Variants in SERPINB8 observed in about 807,000 individuals in gnomAD.
SERPINB8 encodes the protein serpin B8.
In SERPINB8, 25 loss-of-function variants were observed where a neutral mutation model predicts 35.3. The observed-to-expected ratio is 0.71, with a 90% CI of 0.52 to 0.99. SERPINB8 has a LOEUF of 0.99. Ranked by LOEUF, SERPINB8 falls within the 50% of genes least tolerant of loss-of-function variation. The pLI is 0.00. For missense variants in SERPINB8, 484 were observed against 446.5 expected (o/e 1.08, Z -0.76); for synonymous variants, 186 against 160.8 (o/e 1.16, Z -1.19).
At chr18:64,016,920 G>A (rs771633440) in intron 7 of SERPINB8, among the ~76,000 whole-genome samples, 1 of 152,118 alleles carries the variant, frequency 6.6e-6, no homozygotes, top group African/African-American at 2.4e-5. Context: ...TTCTAGATTT[G>A]TAGATCTTCT....
intron 7 of SERPINB8, among the ~76,000 whole-genome samples, chr18:64,016,038 G>T (rs2050948340): frequency 6.6e-6 from 1 of 152,186 alleles, no homozygotes; most frequent in Admixed American, 6.5e-5. Flanking sequence ...ATACTAGACA[G>T]ACCCTAGACA....
chr18:64,003,545 G>C (rs1461067794), intron 1 of SERPINB8, among the ~76,000 whole-genome samples: 1 of 151,742 alleles, frequency 6.6e-6, no homozygotes, highest in Non-Finnish European at 1.5e-5. Flanking sequence ...GTGTGTGTGT[G>C]TGTGTGTGTG....
intron 1 of SERPINB8, among the ~76,000 whole-genome samples, chr18:63,971,177 C>T (rs2050473313): frequency 6.6e-6 from 1 of 152,164 alleles, no homozygotes; most frequent in Admixed American, 6.5e-5. Context: ...CGCGCTCTCC[C>T]CTCGCCCTCC....
chr18:64,018,182 CA>C (rs1263835092), intron 7 of SERPINB8, among the ~76,000 whole-genome samples: 4 of 152,140 alleles, frequency 2.6e-5, no homozygotes, highest in African/African-American at 7.2e-5. Context: ...TATCAGAATT[CA>C]GCTAACATTC....
chr18:63,986,216 A>C, intron 6 of SERPINB8: 1 of 1,595,070 alleles, frequency 6.3e-7, no homozygotes, highest in South Asian at 1.1e-5. Flanking sequence ...TGCTAGTGGA[A>C]GGCCTTTCTC....
At chr18:63,998,544 G>A (rs1209386112) in intron 1 of SERPINB8, among the ~76,000 whole-genome samples, 1 of 152,146 alleles carries the variant, frequency 6.6e-6, no homozygotes, top group Non-Finnish European at 1.5e-5. Context: ...GTGCAATTTG[G>A]GGTCTCACTG....
At chr18:63,993,137 T>C (rs1469643930), downstream of SERPINB8, among the ~76,000 whole-genome samples, 3 of 151,898 alleles carry the variant, frequency 2.0e-5, no homozygotes, top group East Asian at 5.8e-4. Flanking sequence ...TTTTAGTTTT[T>C]TTAAGGTGAA....
intron 6 of SERPINB8, chr18:63,986,417 A>G: frequency 6.7e-7 from 1 of 1,485,732 alleles, no homozygotes; most frequent in Non-Finnish European, 8.9e-7. Flanking sequence ...CCTCTCTTTT[A>G]CTCTGAGTTG....
Position 63,978,486 on chromosome 18 carries a change from C to T in SERPINB8, c.168+10C>T, listed in dbSNP as rs770443542. ...AGCCCAGATGTCCCAGGTATGTGTG[C>T]TTGTCACAAAGGAAGGAGAACAGTG... On this transcript the variant is annotated intron_variant, in intron 2 of 6. Coordinates refer to ENST00000397985, the MANE Select transcript of SERPINB8 (RefSeq NM_002640.4). 8.7e-6 allele frequency: 14 copies of T among 1,613,424 alleles called. No individual in the cohort carries two copies. Among genetic ancestry groups the T allele is most frequent in the Admixed American group, 1.7e-5 (1 of 59,942 alleles).
Position 63,999,431 on chromosome 18 carries a change from A to G in SERPINB8, c.71-5388A>G, listed in dbSNP as rs1489230917. Among the ~76,000 whole-genome samples, 3 of 152,116 alleles carry G rather than the reference A, an allele frequency of 2.0e-5. No individual in the cohort carries two copies. In the East Asian group the frequency reaches 5.8e-4, roughly 29 times the overall value. On this transcript the variant is annotated intron_variant, in intron 1 of 1. Transcript: ENST00000493661. ...AAATGACTTCCTAGTTGTCAACTCA[A>G]TGCTGTTCCACATGGGAGCAACTGG...
At chr18:64,009,622 A>G (rs191246832), downstream of SERPINB8, among the ~76,000 whole-genome samples, 41 of 152,348 alleles carry the variant, frequency 2.7e-4, no homozygotes, top group Admixed American at 1.8e-3. Context: ...GTGTGCTGGG[A>G]AAACTGATTT....
intron 1 of SERPINB8, among the ~76,000 whole-genome samples, chr18:64,002,163 G>C (rs1032600387): frequency 2.6e-5 from 4 of 152,160 alleles, no homozygotes; most frequent in Non-Finnish European, 5.9e-5. Flanking sequence ...CACGCAGTCT[G>C]CACGTGTTTC....
At chr18:64,012,253 G>A (rs1304643217) in intron 7 of SERPINB8, among the ~76,000 whole-genome samples, 2 of 152,058 alleles carry the variant, frequency 1.3e-5, no homozygotes, top group Non-Finnish European at 2.9e-5. Context: ...AATTGCCAGA[G>A]CTTTTATTTC....
At chr18:64,002,335 G>GCACATATCAT in intron 1 of SERPINB8, among the ~76,000 whole-genome samples, 1 of 152,176 alleles carries the variant, frequency 6.6e-6, no homozygotes, top group South Asian at 2.1e-4. Context: ...TTCTTTTCAG[G>GCACATATCAT]TGAGTCCCTG....
At chr18:63,992,713 C>T (rs72945636), downstream of SERPINB8, among the ~76,000 whole-genome samples, 51 of 152,168 alleles carry the variant, frequency 3.4e-4, no homozygotes, top group Admixed American at 1.2e-3. Context: ...AGGATGAACG[C>T]GGGAATAAAA....
At chr18:63,970,252 C>G (rs2050443829) in intron 1 of SERPINB8, 82 bp downstream of exon 1, 2 of 200,282 alleles carry the variant, frequency 1.0e-5, no homozygotes, top group African/African-American at 4.8e-5. Flanking sequence ...CCCTGGAGTG[C>G]GTGAGAGAGG....
intron 2 of SERPINB8, 85 bp downstream of exon 2, chr18:63,978,561 C>G: frequency 6.6e-7 from 1 of 1,507,238 alleles, no homozygotes; most frequent in Non-Finnish European, 9.1e-7. Context: ...TTTGCTCTAG[C>G]TGAGGCCTGT....
chr18:63,971,709 G>A (rs1422368071), intron 1 of SERPINB8, among the ~76,000 whole-genome samples: 1 of 152,168 alleles, frequency 6.6e-6, no homozygotes, highest in African/African-American at 2.4e-5. Flanking sequence ...TACTGAGCCG[G>A]GTTATCTTTC....
chr18:63,981,759 G>C lies in SERPINB8; in HGVS notation c.345G>C (p.Glu115Asp). The change falls in exon 4 of 7, where the codon GAG becomes GAC. Residue 115 changes from glutamate (E) to aspartate (D), a missense_variant. By Grantham distance (45) the Glu-to-Asp change is conservative. Transcript: ENST00000397985. ...KEYCQKFYQAELEELSFAEDT... is the reference protein window; with the variant it reads ...KEYCQKFYQADLEELSFAEDT... ...ACTGTCAGAAGTTCTATCAGGCAGA[G>C]CTGGAGGAGTTGTCCTTTGCTGAAG... The C allele has an allele frequency of 6.2e-7, 1 of 1,613,984 alleles. No homozygotes were observed. Among genetic ancestry groups the C allele is most frequent in the Non-Finnish European group, 8.5e-7 (1 of 1,179,862 alleles).
Sources: allele counts gnomAD v4.1 joint callset (sites outside exome capture counted in the v4.1 genomes callset), GRCh38; gene constraint gnomAD v4.1.1; transcripts MANE v1.5; gene names NCBI Gene and HGNC (gene_info 2026-07-23, HGNC 2026-07-21).